Variants in PRKCB observed in about 807,000 individuals in gnomAD.
The protein encoded by PRKCB is protein kinase C beta type.
Under a neutral mutation model 81.5 loss-of-function variants are expected in PRKCB, and 13 were observed. That is an observed-to-expected ratio of 0.16 (90% confidence interval 0.10 to 0.25). The LOEUF (loss-of-function observed/expected upper bound fraction) is 0.25. PRKCB is among the 10% of genes least tolerant of loss of function. PRKCB has a pLI of 1.00. For synonymous variants in PRKCB, 335 were observed against 321.4 expected (o/e 1.04, Z -0.45); for missense variants, 509 against 875.7 (o/e 0.58, Z 5.29).
At chr16:23,978,640 G>A (rs938471788) in intron 2 of PRKCB, among the ~76,000 whole-genome samples, 2 of 152,170 alleles carry the variant, frequency 1.3e-5, no homozygotes, top group African/African-American at 4.8e-5. Context: ...CTGGAGTGTG[G>A]GGCAGTGGAG....
intron 2 of PRKCB, 37 bp downstream of exon 2, chr16:23,837,443 AG>A: frequency 6.3e-7 from 1 of 1,593,800 alleles, no homozygotes; most frequent in Non-Finnish European, 8.5e-7. Flanking sequence ...ATTTGTGGGA[AG>A]AGAGGGTGAA....
intron 3 of PRKCB, among the ~76,000 whole-genome samples, chr16:24,002,417 T>A (rs1339512699): frequency 6.6e-6 from 1 of 151,684 alleles, no homozygotes; most frequent in Non-Finnish European, 1.5e-5. Flanking sequence ...TGATCTCGGC[T>A]CACCGCAACC....
At chr16:23,934,523 A>T (rs896367181) in intron 2 of PRKCB, among the ~76,000 whole-genome samples, 1 of 152,144 alleles carries the variant, frequency 6.6e-6, no homozygotes, top group African/African-American at 2.4e-5. Flanking sequence ...ATAGGAAGAT[A>T]TTCTTTATTT....
intron 9 of PRKCB, among the ~76,000 whole-genome samples, chr16:24,127,004 CTTTTTTT>C (rs34385102): frequency 8.6e-6 from 1 of 116,192 alleles, no homozygotes; most frequent in Non-Finnish European, 1.8e-5. Context: ...TTCTTTTTTC[CTTTTTTT>C]TTTTTTTTTT....
At chr16:24,034,193 A>G (rs1043183318) in intron 4 of PRKCB, among the ~76,000 whole-genome samples, 9 of 152,216 alleles carry the variant, frequency 5.9e-5, no homozygotes, top group Non-Finnish European at 1.0e-4. Flanking sequence ...CCTCAGAGAC[A>G]GTGGTGGGTG....
At chr16:24,172,152 G>A (rs1045761745) in intron 10 of PRKCB, 118 bp from the exon 11 acceptor site, 1 of 726,532 alleles carries the variant, frequency 1.4e-6, no homozygotes, top group Non-Finnish European at 2.4e-6. Context: ...CCAGCAAACA[G>A]GGATCTGTCA....
chr16:24,108,263 C>T (rs1966603351), intron 7 of PRKCB, among the ~76,000 whole-genome samples: 1 of 130,950 alleles, frequency 7.6e-6, no homozygotes, highest in Non-Finnish European at 1.6e-5. Flanking sequence ...GTTTATTTGT[C>T]CCCAATCTTT....
At chr16:23,991,859 G>A (rs1964890319) in intron 3 of PRKCB, among the ~76,000 whole-genome samples, 1 of 152,184 alleles carries the variant, frequency 6.6e-6, no homozygotes, top group African/African-American at 2.4e-5. Context: ...CATATTGCCA[G>A]AAGAATGGGT....
At chr16:24,021,040 C>CTTTCTTTT (rs1256784385) in intron 3 of PRKCB, among the ~76,000 whole-genome samples, 2 of 72,304 alleles carry the variant, frequency 2.8e-5, no homozygotes, top group African/African-American at 4.5e-5. Context: ...TTCTTTCTTT[C>CTTTCTTTT]TCTTTCTTTC....
chr16:24,011,022 G>A (rs73542848), intron 3 of PRKCB, among the ~76,000 whole-genome samples: 3,069 of 152,120 alleles, frequency 0.02, 104 homozygotes, highest in African/African-American at 0.069. Context: ...GTGCCGCTAC[G>A]CCTGGTTGAT....
Position 24,182,146 on chromosome 16 carries a change from C to T in PRKCB, c.1533+1218C>T, listed in dbSNP as rs144865662. ...AGATAGGACACAATCCATAACACAA[C>T]TTCCTGATAGGCCAGGGGTTCCATA... On this transcript the variant is annotated intron_variant, in intron 13 of 16. Coordinates refer to ENST00000643927, the MANE Select transcript of PRKCB (RefSeq NM_002738.7). Among the ~76,000 whole-genome samples, 112 of 152,282 alleles carry T rather than the reference C, an allele frequency of 7.4e-4. 1 individual carries two copies. The Middle Eastern group carries it at 0.02, about 28-fold the overall frequency.
At chr16:23,978,594 A>G (rs965926199) in intron 2 of PRKCB, among the ~76,000 whole-genome samples, 3 of 152,168 alleles carry the variant, frequency 2.0e-5, no homozygotes, top group African/African-American at 7.2e-5. Flanking sequence ...GAATGTGTAA[A>G]ATACATCATG....
At position 24,218,619 on chromosome 16, in the gene PRKCB, G is replaced by T. The variant is rs138123553; in HGVS notation, c.*3803G>T. 193 of 984,138 alleles carry T rather than the reference G, an allele frequency of 2.0e-4. 2 individuals are homozygous for T. In the East Asian group the frequency reaches 0.011, roughly 58 times the overall value. 61.0% of individuals were successfully genotyped at this position (984,138 alleles called of 1,614,324 possible). A position where few individuals can be genotyped will look rare whatever the true frequency, so the allele number is the denominator to read the frequency against. On this transcript the variant is annotated 3_prime_UTR_variant, in exon 17 of 17. Transcript: ENST00000643927. ...CACAAAGAAGCAAGTCTTGTAAAAG[G>T]TCTTTTGCAAAGGAGAGTGAACCCA...
intron 2 of PRKCB, among the ~76,000 whole-genome samples, chr16:23,900,023 A>C (rs1045164931): frequency 2.4e-4 from 36 of 152,190 alleles, no homozygotes; most frequent in African/African-American, 8.7e-4. Context: ...TAGGACCCAT[A>C]ATTTAACTCA....
Position 24,219,963 on chromosome 16 carries a change from A to C in PRKCB, c.*5147A>C. ...TGTGTTTACTTTCCATTTGGCAGAG[A>C]GACAAGAGAGACACCTCCAACTTCG... is the stretch of plus-strand genomic sequence containing the variant. On this transcript the variant is annotated 3_prime_UTR_variant, in exon 17 of 17. Coordinates refer to ENST00000643927, the MANE Select transcript of PRKCB (RefSeq NM_002738.7). 6.2e-7 allele frequency: 1 copy of C among 1,613,944 alleles called. No individual in the cohort carries two copies.
At chr16:23,927,863 G>A (rs1963917974) in intron 2 of PRKCB, among the ~76,000 whole-genome samples, 1 of 151,912 alleles carries the variant, frequency 6.6e-6, no homozygotes, top group African/African-American at 2.4e-5. Flanking sequence ...ACACCTAGTT[G>A]GTGTCCAAAT....
At chr16:24,200,166 G>A (rs1223128377) in intron 16 of PRKCB, among the ~76,000 whole-genome samples, 2 of 152,170 alleles carry the variant, frequency 1.3e-5, no homozygotes, top group Non-Finnish European at 1.5e-5. Context: ...TGAAAGAAGG[G>A]CATGGCAGCA....
In PRKCB at chr16:23,997,526, C is replaced by T. The variant is rs149032883; in HGVS notation, c.288+8936C>T. On this transcript the variant is annotated intron_variant, in intron 3 of 16. Coordinates refer to ENST00000643927, the MANE Select transcript of PRKCB (RefSeq NM_002738.7). Reference sequence around the variant, plus strand: ...CCAGCTATGACCGTGTGACCAGTTACAGAAACAAGGACTGTGATTGGCATG... The same window carrying T: ...CCAGCTATGACCGTGTGACCAGTTATAGAAACAAGGACTGTGATTGGCATG... Among the ~76,000 whole-genome samples the T allele has an allele frequency of 2.8e-3, 431 of 152,290 alleles. 4 individuals carry two copies. Among genetic ancestry groups the T allele is most frequent in the African/African-American group, 9.8e-3 (407 of 41,556 alleles).
intron 3 of PRKCB, among the ~76,000 whole-genome samples, chr16:24,022,639 A>G (rs958852220): frequency 6.6e-6 from 1 of 152,000 alleles, no homozygotes; most frequent in African/African-American, 2.4e-5. Context: ...CTAGAGGTGC[A>G]TGCCGCCACG....
Sources: allele counts gnomAD v4.1 joint callset (sites outside exome capture counted in the v4.1 genomes callset), GRCh38; gene constraint gnomAD v4.1.1; transcripts MANE v1.5; gene names NCBI Gene and HGNC (gene_info 2026-07-23, HGNC 2026-07-21).